RARB: variants seen among roughly 807,000 people sequenced by gnomAD.
RARB encodes the protein HBV-activated protein.
A neutral mutation model predicts 51.9 loss-of-function variants in RARB; 17 were observed. That is an observed-to-expected ratio of 0.33 (90% confidence interval 0.22 to 0.49). RARB has a LOEUF of 0.49. Among genes scored for constraint, RARB ranks in the 20% least tolerant of loss-of-function variants. RARB has a pLI of 0.99. For missense variants in RARB, 369 were observed against 550.8 expected (o/e 0.67, Z 3.30); for synonymous variants, 215 against 195.4 (o/e 1.10, Z -0.84).
At chr3:25,061,367 T>C (rs1575141653) in intron 3 of RARB, among the ~76,000 whole-genome samples, 1 of 151,920 alleles carries the variant, frequency 6.6e-6, no homozygotes, top group Non-Finnish European at 1.5e-5. Flanking sequence ...TCTTTTATTA[T>C]AATCATATTT....
chr3:25,010,577 A>G (rs2125279689), intron 2 of RARB, among the ~76,000 whole-genome samples: 1 of 152,200 alleles, frequency 6.6e-6, no homozygotes, highest in Non-Finnish European at 1.5e-5. Flanking sequence ...CTCAACTAAC[A>G]TTGGAGGATC....
At chr3:24,936,064 C>T (rs1402814469) in intron 2 of RARB, among the ~76,000 whole-genome samples, 1 of 152,042 alleles carries the variant, frequency 6.6e-6, no homozygotes, top group South Asian at 2.1e-4. Flanking sequence ...CCAAAACATA[C>T]CTTTTTAGGA....
At position 25,429,188 on chromosome 3, in the gene RARB, G is replaced by C. The variant is rs144026353; in HGVS notation, c.157+300G>C. 1.4e-4 allele frequency among the ~76,000 whole-genome samples: 21 copies of C among 152,234 alleles called. 1 individual carries two copies. In the East Asian group the frequency reaches 4.1e-3, roughly 29 times the overall value. ...ATGTGGGGGGTGGGGAGTAGAGGGT[G>C]ACCACAAGACTTTAAAACATTCTTC... On this transcript the variant is annotated intron_variant, in intron 1 of 7. Coordinates refer to ENST00000330688, the MANE Select transcript of RARB (RefSeq NM_000965.5).
chr3:25,331,635 A>T (rs909244946), intron 5 of RARB, among the ~76,000 whole-genome samples: 6 of 152,212 alleles, frequency 3.9e-5, no homozygotes, highest in Non-Finnish European at 8.8e-5. Context: ...AAGAGCAGAC[A>T]CATTCAAAAG....
intron 5 of RARB, among the ~76,000 whole-genome samples, chr3:25,205,607 T>C (rs921974291): frequency 6.6e-6 from 1 of 152,194 alleles, no homozygotes; most frequent in Non-Finnish European, 1.5e-5. Flanking sequence ...AATAAATGCT[T>C]GAGGTGATGG....
chr3:25,121,343 C>G (rs144877566), intron 3 of RARB, among the ~76,000 whole-genome samples: 1 of 152,050 alleles, frequency 6.6e-6, no homozygotes, highest in Non-Finnish European at 1.5e-5. Flanking sequence ...CATTGCTCAC[C>G]TCCTTTTCAG....
intron 2 of RARB, among the ~76,000 whole-genome samples, chr3:25,049,097 CT>C (rs1397537797): frequency 3.3e-5 from 5 of 152,126 alleles, no homozygotes; most frequent in African/African-American, 9.7e-5. Flanking sequence ...ATAATTGCCC[CT>C]GATACAGAAA....
intron 5 of RARB, among the ~76,000 whole-genome samples, chr3:25,309,967 G>T (rs74718822): frequency 6.6e-6 from 1 of 152,056 alleles, no homozygotes; most frequent in Admixed American, 6.5e-5. Context: ...TGAAAGTCCC[G>T]AAGGCTGCTC....
At chr3:25,288,701 A>G (rs983773667) in intron 5 of RARB, among the ~76,000 whole-genome samples, 3 of 152,136 alleles carry the variant, frequency 2.0e-5, no homozygotes, top group Non-Finnish European at 4.4e-5. Flanking sequence ...GAAGAGAGCC[A>G]AGCAGAACTG....
At chr3:25,401,872 G>A (rs1320881926) in intron 5 of RARB, among the ~76,000 whole-genome samples, 1 of 152,114 alleles carries the variant, frequency 6.6e-6, no homozygotes, top group Non-Finnish European at 1.5e-5. Context: ...TGCCTCCCGG[G>A]TTCAAGTGAT....
At chr3:24,945,113 T>A (rs1489476317) in intron 2 of RARB, among the ~76,000 whole-genome samples, 1 of 152,174 alleles carries the variant, frequency 6.6e-6, no homozygotes, top group Non-Finnish European at 1.5e-5. Context: ...TATGTTGAAG[T>A]TATGTGGTAA....
intron 5 of RARB, among the ~76,000 whole-genome samples, chr3:25,281,461 G>A (rs888210714): frequency 4.6e-5 from 7 of 152,164 alleles, no homozygotes; most frequent in Non-Finnish European, 1.0e-4. Flanking sequence ...ACTTTGATTG[G>A]TGCCATTATC....
intron 2 of RARB, among the ~76,000 whole-genome samples, chr3:24,991,961 C>T (rs1696921455): frequency 6.6e-6 from 1 of 152,052 alleles, no homozygotes; most frequent in Admixed American, 6.5e-5. Context: ...AGAGGTGTAC[C>T]TTCCTCCCCT....
At chr3:24,872,922 C>G (rs556945469) in intron 2 of RARB, among the ~76,000 whole-genome samples, 1 of 152,170 alleles carries the variant, frequency 6.6e-6, no homozygotes, top group African/African-American at 2.4e-5. Context: ...GTTTTCACAC[C>G]AGTTATTTTC....
chr3:25,016,564 T>A (rs1427262607), intron 2 of RARB, among the ~76,000 whole-genome samples: 1 of 152,190 alleles, frequency 6.6e-6, no homozygotes, highest in African/African-American at 2.4e-5. Flanking sequence ...GATGTCACAC[T>A]TGTGATTTGC....
chr3:25,260,173 G>T lies in RARB; in HGVS notation c.178+85598G>T, dbSNP rs576965399. Among the ~76,000 whole-genome samples, 4 of 152,262 alleles carry T rather than the reference G, an allele frequency of 2.6e-5. No homozygotes were observed. In the South Asian group the frequency reaches 8.3e-4, roughly 32 times the overall value. On this transcript the variant is annotated intron_variant, in intron 5 of 11. Coordinates refer to the RARB transcript ENST00000383772. ...GGTGGGCAGTGTTCCCTGGAATAGG[G>T]CACCCTGGTTGTATTCCTTTAAGCC...
At chr3:24,999,361 G>A (rs1424918961) in intron 2 of RARB, among the ~76,000 whole-genome samples, 1 of 152,120 alleles carries the variant, frequency 6.6e-6, no homozygotes, top group Non-Finnish European at 1.5e-5. Flanking sequence ...ATGCATATCA[G>A]ATTTTGCTGG....
chr3:25,154,508 G>A (rs1170956002), intron 4 of RARB, among the ~76,000 whole-genome samples: 4 of 152,186 alleles, frequency 2.6e-5, no homozygotes, highest in Non-Finnish European at 5.9e-5. Flanking sequence ...CTGGCTGGTT[G>A]TCCAGCCTCA....
At chr3:25,420,502 T>C (rs1707828340) in intron 5 of RARB, among the ~76,000 whole-genome samples, 1 of 152,266 alleles carries the variant, frequency 6.6e-6, no homozygotes, top group Non-Finnish European at 1.5e-5. Context: ...CCTGTTTAAC[T>C]GAAATCTCCA....
Sources: allele counts gnomAD v4.1 joint callset (sites outside exome capture counted in the v4.1 genomes callset), GRCh38; gene constraint gnomAD v4.1.1; transcripts MANE v1.5; gene names NCBI Gene and HGNC (gene_info 2026-07-23, HGNC 2026-07-21).